The following OTOGL variants were observed in gnomAD, a reference collection of about 807,000 sequenced individuals.
The protein encoded by OTOGL is otogelin like, also known as otogelin-like protein.
A neutral mutation model predicts 318.5 loss-of-function variants in OTOGL; 285 were observed. The ratio of observed to expected loss-of-function variants is 0.89; its 90% CI spans 0.81 to 0.99. The LOEUF (loss-of-function observed/expected upper bound fraction) is 0.99. Among genes scored for constraint, OTOGL ranks in the 50% least tolerant of loss-of-function variants. The pLI is 0.00. For missense variants in OTOGL, 2,899 were observed against 2,845.6 expected, an observed-to-expected ratio of 1.02 and a Z score of -0.43; for synonymous variants, 987 against 936.5, an observed-to-expected ratio of 1.05 and a Z score of -0.99.
intron 19 of OTOGL, among the ~76,000 whole-genome samples, chr12:80,264,081 G>GA (rs914410132): frequency 2.6e-5 from 4 of 152,124 alleles, no homozygotes; most frequent in Admixed American, 1.3e-4. Context: ...CCTTAGTAGT[G>GA]AAAAAACTGA....
At chr12:80,328,286 T>A (rs2137873615) in intron 35 of OTOGL, among the ~76,000 whole-genome samples, 1 of 151,796 alleles carries the variant, frequency 6.6e-6, no homozygotes, top group East Asian at 2.0e-4. Flanking sequence ...GTCACTACAC[T>A]GCAGCCTGGG....
At chr12:80,314,030 GTGGTAAGATATCTGAACAAACTTACAA>G (rs1455860223) in intron 31 of OTOGL, among the ~76,000 whole-genome samples, 1 of 152,018 alleles carries the variant, frequency 6.6e-6, no homozygotes, top group Non-Finnish European at 1.5e-5. Flanking sequence ...ACTTGTGTAG[GTGGTAAGATATCTGAACAAACTTACAA>G]TTTGAACACT....
At chr12:80,155,335 A>T (rs1046778392) in intron 1 of OTOGL, among the ~76,000 whole-genome samples, 1 of 152,182 alleles carries the variant, frequency 6.6e-6, no homozygotes, top group Non-Finnish European at 1.5e-5. Context: ...TTGATGTTGT[A>T]TCTAAAAAAG....
rs115184699 is a variant in OTOGL at position 80,229,544 on chromosome 12, C to T, written c.611+166C>T. ...TCAAAACTTCGGTAGGCTCTGAGGCCAGCCAGGTGGTCAAGAGTACAGTAA... is the reference window on the plus strand; with the variant it reads ...TCAAAACTTCGGTAGGCTCTGAGGCTAGCCAGGTGGTCAAGAGTACAGTAA... On this transcript the variant is annotated intron_variant, in intron 8 of 58. Transcript: ENST00000547103. Among the ~76,000 whole-genome samples the T allele has an allele frequency of 8.2e-3, 1,251 of 152,216 alleles. 19 individuals are homozygous for T. The highest frequency in any genetic ancestry group is 0.029 in the African/African-American group (1,184 of 41,536).
chr12:80,265,354 A>C, intron 20 of OTOGL, 144 bp downstream of exon 20: 1 of 884,662 alleles, frequency 1.1e-6, no homozygotes. Flanking sequence ...AAACATGAAA[A>C]GCAAATGAAA....
At chr12:80,108,787 GTA>G (rs1189455568) in intron 1 of OTOGL, among the ~76,000 whole-genome samples, 1,345 of 106,212 alleles carry the variant, frequency 0.013, 36 homozygotes, top group South Asian at 0.063. Context: ...ATATATATAT[GTA>G]TATATATATA....
At chr12:80,321,606 A>T (rs76706944) in intron 34 of OTOGL, among the ~76,000 whole-genome samples, 50 of 152,108 alleles carry the variant, frequency 3.3e-4, no homozygotes, top group Middle Eastern at 3.4e-3. Context: ...ATAAAAAAAA[A>T]TTTTACCTAT....
At chr12:80,202,216 T>C (rs1427870619) in intron 1 of OTOGL, among the ~76,000 whole-genome samples, 2 of 152,104 alleles carry the variant, frequency 1.3e-5, no homozygotes, top group Non-Finnish European at 1.5e-5. Flanking sequence ...CTGTTCCCGT[T>C]CGGGTTTTCA....
intron 26 of OTOGL, among the ~76,000 whole-genome samples, chr12:80,285,017 T>G (rs183563506): frequency 3.9e-5 from 6 of 151,982 alleles, no homozygotes; most frequent in African/African-American, 9.7e-5. Flanking sequence ...TTAGGTCTTA[T>G]GCTTAAGTCT....
rs1881621828 is a variant in OTOGL, at chr12:80,252,160, G to A, written c.1244G>A (p.Gly415Glu). ...PTCTFEKQCLGSNLHCLDGCY... is the reference protein window; with the variant it reads ...PTCTFEKQCLESNLHCLDGCY... ...TGCACATTTGAGAAGCAATGTCTTG[G>A]GAGCAATCTCCATTGTCTTGATGGA... Residue 415 changes from glycine (G) to glutamate (E), a missense_variant, in exon 13 of 59, where the codon GGG becomes GAG. Physicochemically the swap from Gly to Glu is moderately conservative, Grantham distance 98. Transcript: ENST00000547103. 9.4e-6 allele frequency: 15 copies of A among 1,592,488 alleles called. No individual in the cohort carries two copies. The highest frequency in any genetic ancestry group is 1.3e-5 in the Non-Finnish European group (15 of 1,168,002).
chr12:80,363,134 A>G (rs1890333026), intron 52 of OTOGL, among the ~76,000 whole-genome samples: 1 of 152,136 alleles, frequency 6.6e-6, no homozygotes, highest in African/African-American at 2.4e-5. Flanking sequence ...CTTTAAAGGC[A>G]AGGCTGAGGA....
At chr12:80,377,026 T>TA (rs1891208582) in intron 57 of OTOGL, 97 bp from the exon 58 acceptor site, 1 of 735,944 alleles carries the variant, frequency 1.4e-6, no homozygotes, top group Admixed American at 3.4e-5. Context: ...TTTATATAAA[T>TA]ACACCAATTT....
At chr12:80,254,053 C>T (rs1327835987) in intron 14 of OTOGL, among the ~76,000 whole-genome samples, 3 of 152,032 alleles carry the variant, frequency 2.0e-5, no homozygotes, top group Admixed American at 6.6e-5. Context: ...GATACTTTTC[C>T]CTTTGGTGTC....
At chr12:80,368,114 C>A (rs1890660934) in intron 54 of OTOGL, 91 bp from the exon 55 acceptor site, 3 of 932,824 alleles carry the variant, frequency 3.2e-6, no homozygotes, top group Non-Finnish European at 4.8e-6. Flanking sequence ...CTGGAAAGAG[C>A]TTGTAGTTAT....
chr12:80,289,215 A>G (rs762579112), intron 26 of OTOGL, among the ~76,000 whole-genome samples: 2 of 152,114 alleles, frequency 1.3e-5, no homozygotes, highest in Non-Finnish European at 2.9e-5. Context: ...CCTGGGTGTT[A>G]CCTGCGGAGG....
chr12:80,270,144 G>T lies in OTOGL; in HGVS notation c.2508G>T (p.Thr836=). The T allele has an allele frequency of 6.2e-7, 1 of 1,602,684 alleles. No homozygotes were observed. Among genetic ancestry groups the T allele is most frequent in the Non-Finnish European group, 8.5e-7 (1 of 1,170,472 alleles). ...NGTVKCDELA[T]PSAVHICPEG... ...CTGTGAAATGTGATGAATTAGCAAC[G>T]CCCTCTGCTGGTAAGATCTTAAAAG... The change falls in exon 23 of 59, where the codon ACG becomes ACT. Residue 836 remains threonine (T), a synonymous_variant. Transcript: ENST00000547103.
At chr12:80,354,481 G>A (rs953242647) in intron 46 of OTOGL, among the ~76,000 whole-genome samples, 3 of 151,990 alleles carry the variant, frequency 2.0e-5, no homozygotes, top group Non-Finnish European at 2.9e-5. Context: ...TTATATTTTC[G>A]AACAATGTTA....
chr12:80,307,241 C>T (rs1592685112), intron 29 of OTOGL, among the ~76,000 whole-genome samples: 1 of 121,950 alleles, frequency 8.2e-6, no homozygotes, highest in East Asian at 3.5e-4. Context: ...TCCGATTTCT[C>T]AATCTTTTCC....
chr12:80,339,321 T>TTTC, intron 43 of OTOGL, 57 bp downstream of exon 43: 2 of 1,310,516 alleles, frequency 1.5e-6, no homozygotes, highest in Admixed American at 4.9e-5. Flanking sequence ...TTTTTTTTTT[T>TTTC]TTCTATTCAC....
Sources: gnomAD v4.1 joint callset for allele counts (sites outside exome capture counted in the v4.1 genomes callset) on GRCh38, gnomAD v4.1.1 for gene constraint, MANE v1.5 for transcripts, NCBI Gene and HGNC (gene_info 2026-07-23, HGNC 2026-07-21) for gene names.